PCDH15: variants seen among roughly 807,000 people sequenced by gnomAD.
The protein encoded by PCDH15 is protocadherin-15.
A neutral mutation model predicts 178.5 loss-of-function variants in PCDH15; 129 were observed. That is an observed-to-expected ratio of 0.72 (90% CI 0.63 to 0.84). The LOEUF is 0.84. PCDH15 is among the 40% of genes least tolerant of loss of function. The pLI is 0.00. For missense variants in PCDH15, 2,230 were observed against 2,099.9 expected (o/e 1.06, Z -1.21); for synonymous variants, 800 against 732.0 (o/e 1.09, Z -1.50).
intron 1 of PCDH15, among the ~76,000 whole-genome samples, chr10:54,721,747 A>G (rs61511864): frequency 0.12 from 18,459 of 151,808 alleles, 1,234 homozygotes; most frequent in African/African-American, 0.17. Flanking sequence ...AACAACAAAA[A>G]GTCCAAGAAC....
rs1465299294 is a variant in PCDH15 at position 55,359,722 on chromosome 10, A to G, written c.-155-193071T>C. On this transcript the variant is annotated intron_variant, in intron 2 of 5. Coordinates refer to the PCDH15 transcript ENST00000613346. ...TGAACAAATAAAGAAAATGTGGTGT[A>G]TATATATATATATATATATATATAT... 4.0e-4 allele frequency among the ~76,000 whole-genome samples: 39 copies of G among 97,742 alleles called. No individual in the cohort carries two copies. The South Asian group carries it at 4.3e-3, about 11-fold the overall frequency. 64.1% of individuals were successfully genotyped at this position (97,742 alleles called of 152,430 possible).
chr10:54,745,160 C>T (rs553102704), intron 1 of PCDH15, among the ~76,000 whole-genome samples: 2 of 152,056 alleles, frequency 1.3e-5, no homozygotes, highest in African/African-American at 4.8e-5. Context: ...AATCAATTCA[C>T]CGGGTTATGG....
intron 1 of PCDH15, among the ~76,000 whole-genome samples, chr10:55,293,222 C>T (rs969784520): frequency 6.6e-6 from 1 of 152,176 alleles, no homozygotes; most frequent in African/African-American, 2.4e-5. Context: ...CCCCTATCAG[C>T]CACAGCCAGA....
At chr10:54,938,534 A>T (rs1268950972) in intron 2 of PCDH15, among the ~76,000 whole-genome samples, 1 of 152,116 alleles carries the variant, frequency 6.6e-6, no homozygotes, top group Non-Finnish European at 1.5e-5. Flanking sequence ...GTCATAATTT[A>T]TGAAGTAAGG....
At chr10:54,285,854 G>C (rs1033673148) in intron 8 of PCDH15, among the ~76,000 whole-genome samples, 1 of 152,008 alleles carries the variant, frequency 6.6e-6, no homozygotes, top group Non-Finnish European at 1.5e-5. Flanking sequence ...AGAAAATGTG[G>C]TATATATACA....
chr10:55,526,246 T>G (rs1255360670), intron 2 of PCDH15, among the ~76,000 whole-genome samples: 1 of 151,994 alleles, frequency 6.6e-6, no homozygotes, highest in African/African-American at 2.4e-5. Context: ...AATTCTATTT[T>G]TTTCATTTCA....
chr10:54,883,299 A>G (rs1280737841), intron 3 of PCDH15, among the ~76,000 whole-genome samples: 2 of 152,120 alleles, frequency 1.3e-5, no homozygotes, highest in East Asian at 3.8e-4. Context: ...CCTCCAAAAA[A>G]AGTAAAACCT....
chr10:54,528,267 T>G (rs2083553068), intron 2 of PCDH15: 2 of 930,028 alleles, frequency 2.2e-6, no homozygotes, highest in Non-Finnish European at 3.3e-6. Context: ...ACTTTAATTG[T>G]GATAAAGGGT....
intron 2 of PCDH15, among the ~76,000 whole-genome samples, chr10:54,597,273 T>A (rs1183109637): frequency 6.6e-6 from 1 of 151,862 alleles, no homozygotes; most frequent in Non-Finnish European, 1.5e-5. Context: ...ACAATAAACA[T>A]AGAATTGAAG....
intron 1 of PCDH15, among the ~76,000 whole-genome samples, chr10:55,246,554 G>T (rs1841683742): frequency 6.6e-6 from 1 of 151,976 alleles, no homozygotes; most frequent in Non-Finnish European, 1.5e-5. Context: ...TGACCTAATG[G>T]GTAATAAATT....
intron 3 of PCDH15, among the ~76,000 whole-genome samples, chr10:54,509,736 C>T (rs1450886865): frequency 6.6e-6 from 1 of 152,102 alleles, no homozygotes; most frequent in Non-Finnish European, 1.5e-5. Flanking sequence ...TTCTTTCTTC[C>T]TACAGTTTGA....
intron 1 of PCDH15, among the ~76,000 whole-genome samples, chr10:55,277,543 T>C (rs1842624466): frequency 6.6e-6 from 1 of 152,098 alleles, no homozygotes; most frequent in Non-Finnish European, 1.5e-5. Context: ...AAAGAACCTG[T>C]ACACCACTGT....
chr10:55,214,008 CTCT>C (rs1052363545), intron 1 of PCDH15, among the ~76,000 whole-genome samples: 8 of 151,992 alleles, frequency 5.3e-5, no homozygotes, highest in African/African-American at 1.9e-4. Context: ...CCATTAGAAG[CTCT>C]TCTTCAACTC....
chr10:54,614,910 G>T (rs1395783095), intron 2 of PCDH15, among the ~76,000 whole-genome samples: 1 of 152,016 alleles, frequency 6.6e-6, no homozygotes, highest in Non-Finnish European at 1.5e-5. Context: ...AGGCAGAATT[G>T]CATTTGTCAA....
At chr10:54,342,308 C>T (rs1325182061) in intron 6 of PCDH15, among the ~76,000 whole-genome samples, 1 of 152,214 alleles carries the variant, frequency 6.6e-6, no homozygotes, top group African/African-American at 2.4e-5. Flanking sequence ...ACATGGCATC[C>T]TATGTCCCTG....
intron 32 of PCDH15, 129 bp downstream of exon 32, chr10:53,827,264 T>A (rs1279076684): frequency 7.8e-7 from 1 of 1,287,536 alleles, no homozygotes; most frequent in Admixed American, 2.8e-5. Flanking sequence ...ACAAATTTTC[T>A]CTTGAAAATA....
chr10:54,902,242 C>T (rs758128050), intron 2 of PCDH15, among the ~76,000 whole-genome samples: 8 of 152,114 alleles, frequency 5.3e-5, no homozygotes, highest in African/African-American at 7.2e-5. Flanking sequence ...TGTGGATGCA[C>T]GTGTCACTAT....
rs111495425 is a variant in PCDH15, at chr10:54,263,152, G to A, written c.877-26221C>T. Among the ~76,000 whole-genome samples, 384 of 152,284 alleles carry A rather than the reference G, an allele frequency of 2.5e-3. 3 individuals carry two copies. Among genetic ancestry groups the A allele is most frequent in the African/African-American group, 8.1e-3 (335 of 41,572 alleles). ...CTAAGTTGTGTATCACAGCAACTGC[G>A]GACATACCCTAAAACCTGCTCTGAC... On this transcript the variant is annotated intron_variant, in intron 8 of 37. Coordinates refer to ENST00000644397, the MANE Select transcript of PCDH15 (RefSeq NM_001384140.1).
At chr10:53,943,157 G>A (rs1215617177) in intron 23 of PCDH15, among the ~76,000 whole-genome samples, 5 of 151,936 alleles carry the variant, frequency 3.3e-5, no homozygotes, top group Non-Finnish European at 7.4e-5. Context: ...GAAACAAGAC[G>A]TCTGCAACTT....
Sources: gnomAD v4.1 joint callset for allele counts (sites outside exome capture counted in the v4.1 genomes callset) on GRCh38, gnomAD v4.1.1 for gene constraint, MANE v1.5 for transcripts, NCBI Gene and HGNC (gene_info 2026-07-23, HGNC 2026-07-21) for gene names.